Variants in CCR3 observed in about 807,000 individuals in gnomAD.
CCR3 encodes the protein C-C chemokine receptor type 3.
For missense variants in CCR3, 419 were observed against 437.5 expected (o/e 0.96, Z 0.38); for synonymous variants, 203 against 179.2 (o/e 1.13, Z -1.06).
chr3:46,251,638 A>G (rs528534534), intron 1 of CCR3, among the ~76,000 whole-genome samples: 1 of 152,292 alleles, frequency 6.6e-6, no homozygotes, highest in East Asian at 1.9e-4. Flanking sequence ...AGACCACCAA[A>G]CAGGCTTTGT....
chr3:46,251,901 A>G (rs1290079045), intron 1 of CCR3, among the ~76,000 whole-genome samples: 1 of 152,098 alleles, frequency 6.6e-6, no homozygotes, highest in African/African-American at 2.4e-5. Context: ...CACTTAAGGC[A>G]AGGACCAGCC....
At chr3:46,234,103 G>A (rs566464300) in intron 2 of CCR3, among the ~76,000 whole-genome samples, 1 of 152,224 alleles carries the variant, frequency 6.6e-6, no homozygotes, top group Non-Finnish European at 1.5e-5. Flanking sequence ...TGCTCCTGAG[G>A]CATCCTGACC....
intron 1 of CCR3, among the ~76,000 whole-genome samples, chr3:46,256,555 CAATAGGGAAT>C (rs551852498): frequency 1.1e-3 from 171 of 152,134 alleles, no homozygotes; most frequent in Non-Finnish European, 1.8e-3. Context: ...GAACACTTCA[CAATAGGGAAT>C]AATATATATA....
chr3:46,258,940 A>T (rs1450905676), intron 1 of CCR3, among the ~76,000 whole-genome samples: 4 of 152,184 alleles, frequency 2.6e-5, no homozygotes, highest in Non-Finnish European at 5.9e-5. Flanking sequence ...TTAGATCTCT[A>T]AGATTTAGGG....
At position 46,265,828 on chromosome 3, in the gene CCR3, A is replaced by T; in HGVS notation, c.670A>T (p.Lys224Ter). The T allele has an allele frequency of 4.3e-6, 7 of 1,614,034 alleles. No homozygotes were observed. Among genetic ancestry groups the T allele is most frequent in the Non-Finnish European group, 5.9e-6 (7 of 1,179,988 alleles). ...GGCCATCTGCTACACAGGAATCATC[A>T]AAACGCTGCTGAGGTGCCCCAGTAA... ...VMAICYTGII[K>*]TLLRCPSKKK... The change falls in exon 2 of 2, where the codon AAA (lysine) becomes TAA (stop). Residue 224 changes from lysine to a stop codon, truncating the protein, a stop_gained. Transcript: ENST00000395940. LOFTEE classifies it low-confidence loss of function (END_TRUNC).
chr3:46,239,244 T>C (rs1350581362), upstream of CCR3, among the ~76,000 whole-genome samples: 1 of 152,258 alleles, frequency 6.6e-6, no homozygotes, highest in Non-Finnish European at 1.5e-5. Flanking sequence ...TTACAATCTC[T>C]TGCGAATTAG....
At chr3:46,259,273 G>A (rs1012677808) in intron 1 of CCR3, among the ~76,000 whole-genome samples, 2 of 152,236 alleles carry the variant, frequency 1.3e-5, no homozygotes, top group South Asian at 2.1e-4. Context: ...GTACCATAAG[G>A]TATTTGCAAA....
At chr3:46,228,225 C>G (rs748214656) in intron 2 of CCR3, among the ~76,000 whole-genome samples, 1 of 151,376 alleles carries the variant, frequency 6.6e-6, no homozygotes, top group Non-Finnish European at 1.5e-5. Flanking sequence ...ACACCCTGGT[C>G]TTTCTTCCTA....
At position 46,265,890 on chromosome 3, in the gene CCR3, C is replaced by A. The variant is rs200624705; in HGVS notation, c.732C>A (p.Ile244=). Residue 244 remains isoleucine (I), a synonymous_variant, in exon 2 of 2, where the codon ATC becomes ATA. Coordinates refer to ENST00000395940, the MANE Select transcript of CCR3 (RefSeq NM_178329.3). ...KYKAIRLIFV[I]MAVFFIFWTP... is the part of the protein sequence containing the mutation. ...AGGCCATCCGGCTCATTTTTGTCAT[C>A]ATGGCGGTGTTTTTCATTTTCTGGA... 59 of 1,614,032 alleles carry A rather than the reference C, an allele frequency of 3.7e-5. No individual in the cohort carries two copies. The highest frequency in any genetic ancestry group is 4.7e-5 in the Non-Finnish European group (55 of 1,180,014).
chr3:46,244,069 T>G lies in CCR3; in HGVS notation c.-12+1531T>G, dbSNP rs185937792. Among the ~76,000 whole-genome samples the G allele has an allele frequency of 3.3e-5, 5 of 152,304 alleles. No homozygotes were observed. In the East Asian group the frequency reaches 9.7e-4, roughly 29 times the overall value. On this transcript the variant is annotated intron_variant, in intron 1 of 1. Transcript: ENST00000395940. ...ACTTTCTGGAAGCAATTTGACAAAA[T>G]GCATCAAGAGACTTCGAAATATAAT...
rs201774652 is a variant in CCR3, at chr3:46,265,601, C to T, written c.443C>T (p.Thr148Ile). ...AVFALRARTV[T>I]FGVITSIVTW... is the part of the protein sequence containing the mutation. ...TTTGCCCTTCGAGCCCGGACTGTCA[C>T]TTTTGGTGTCATCACCAGCATCGTC... Residue 148 changes from threonine (T) to isoleucine (I), a missense_variant, in exon 2 of 2, where the codon ACT (threonine) becomes ATT (isoleucine). Transcript: ENST00000395940. 212 of 1,614,066 alleles carry T rather than the reference C, an allele frequency of 1.3e-4. No individual in the cohort carries two copies. The highest frequency in any genetic ancestry group is 1.1e-4 in the Non-Finnish European group (132 of 1,180,028).
At chr3:46,259,057 G>T (rs9811301) in intron 1 of CCR3, among the ~76,000 whole-genome samples, 56,259 of 151,676 alleles carry the variant, frequency 0.37, 10,740 homozygotes, top group East Asian at 0.63. Context: ...GGTAATGTCA[G>T]TGGAGGTCCA....
At chr3:46,227,532 T>C (rs1404380972) in intron 2 of CCR3, among the ~76,000 whole-genome samples, 1 of 152,082 alleles carries the variant, frequency 6.6e-6, no homozygotes, top group Non-Finnish European at 1.5e-5. Context: ...TTTATTTATA[T>C]TTTCTCTTTA....
intron 1 of CCR3, among the ~76,000 whole-genome samples, chr3:46,253,990 A>G (rs527577632): frequency 6.6e-5 from 10 of 151,980 alleles, no homozygotes; most frequent in Non-Finnish European, 1.2e-4. Flanking sequence ...CAGTTCTACA[A>G]GTATTGACAT....
In CCR3 at chr3:46,254,291, A is replaced by G. The variant is rs1700372742; in HGVS notation, c.-11-10857A>G. On this transcript the variant is annotated intron_variant, in intron 1 of 1. Transcript: ENST00000395940. Reference sequence around the variant, plus strand: ...GGAAATTGAGAAAGGGGAGAATAAAAGAAACTTTACATTTGTCAAAAATAA... The same window carrying G: ...GGAAATTGAGAAAGGGGAGAATAAAGGAAACTTTACATTTGTCAAAAATAA... Among the ~76,000 whole-genome samples the G allele has an allele frequency of 2.6e-5, 4 of 152,214 alleles. No homozygotes were observed. In the South Asian group the frequency reaches 8.3e-4, roughly 31 times the overall value.
At chr3:46,241,722 T>C (rs1362502354), upstream of CCR3, among the ~76,000 whole-genome samples, 2 of 152,206 alleles carry the variant, frequency 1.3e-5, no homozygotes, top group Non-Finnish European at 2.9e-5. Flanking sequence ...TCAAGTCTTT[T>C]AGACTTGTCT....
At chr3:46,211,470 T>C (rs1699713604) in intron 2 of CCR3, among the ~76,000 whole-genome samples, 1 of 151,944 alleles carries the variant, frequency 6.6e-6, no homozygotes, top group Non-Finnish European at 1.5e-5. Flanking sequence ...GTGACCCTCT[T>C]GCCCCAGCCT....
At chr3:46,235,146 T>C (rs1387639612) in intron 2 of CCR3, among the ~76,000 whole-genome samples, 1 of 152,236 alleles carries the variant, frequency 6.6e-6, no homozygotes, top group Admixed American at 6.5e-5. Flanking sequence ...GATACATCTG[T>C]ACAGTTCTGT....
chr3:46,262,645 TTTAA>T (rs992738969), intron 1 of CCR3, among the ~76,000 whole-genome samples: 1 of 151,936 alleles, frequency 6.6e-6, no homozygotes, highest in African/African-American at 2.4e-5. Context: ...TTTTTTAATT[TTTAA>T]TTATTTATTT....
Sources: gnomAD v4.1 joint callset for allele counts (sites outside exome capture counted in the v4.1 genomes callset) on GRCh38, gnomAD v4.1.1 for gene constraint, MANE v1.5 for transcripts, NCBI Gene and HGNC (gene_info 2026-07-23, HGNC 2026-07-21) for gene names.